Variants in NT5DC1 observed in about 807,000 individuals in gnomAD.
NT5DC1 encodes 5'-nucleotidase domain-containing protein 1.
In NT5DC1, 42 loss-of-function variants were observed where a neutral mutation model predicts 59.4. That is an observed-to-expected ratio of 0.71 (90% CI 0.55 to 0.92). The LOEUF is 0.92. Ranked by LOEUF, NT5DC1 falls within the 40% of genes least tolerant of loss-of-function variation. The pLI, the probability that NT5DC1 is intolerant of heterozygous loss-of-function variation, is 0.00. For missense variants in NT5DC1, 501 were observed against 537.1 expected (o/e 0.93, Z 0.66); for synonymous variants, 172 against 188.1 (o/e 0.91, Z 0.70).
chr6:116,101,104 C>CG lies in NT5DC1; in HGVS notation c.93+83dup, dbSNP rs1778637507. The CG allele has an allele frequency of 2.9e-6, 3 of 1,035,050 alleles. No homozygotes were observed. In the Admixed American group the frequency reaches 7.4e-5, roughly 25 times the overall value. The allele number at this position is 1,035,050 out of a possible 1,614,324, so 64.1% of individuals were successfully genotyped here. ...TTGAGTTTCCTCCAGGTTTGGGCAACGGCGGACGCTGCCCGGGGCCTGCGG... is the reference window on the plus strand; with the variant it reads ...TTGAGTTTCCTCCAGGTTTGGGCAACGGGCGGACGCTGCCCGGGGCCTGCGG... On this transcript the variant is annotated intron_variant, in intron 1 of 11. Coordinates refer to ENST00000319550, the MANE Select transcript of NT5DC1 (RefSeq NM_152729.3).
In NT5DC1 at chr6:116,221,205, A is replaced by G; in HGVS notation, c.681A>G (p.Arg227=). ...LITSSHSDYC[R]LLCEYILGND... ...CCAGTTCTCACAGTGATTACTGTAG[A>G]CTTCTCTGCGAATATATTCTTGGGT... The change falls in exon 7 of 12, where the codon AGA becomes AGG. Residue 227 remains arginine (R), a synonymous_variant. Coordinates refer to ENST00000319550, the MANE Select transcript of NT5DC1 (RefSeq NM_152729.3). 6.3e-7 allele frequency: 1 copy of G among 1,596,920 alleles called. No homozygotes were observed. The highest frequency in any genetic ancestry group is 8.6e-7 in the Non-Finnish European group (1 of 1,165,986).
chr6:116,111,324 A>G (rs1021076194), intron 4 of NT5DC1, among the ~76,000 whole-genome samples: 3 of 152,080 alleles, frequency 2.0e-5, no homozygotes, highest in East Asian at 1.9e-4. Flanking sequence ...CACATTACCT[A>G]CCACTCCTAT....
chr6:116,197,754 G>C (rs1398060225), intron 6 of NT5DC1, among the ~76,000 whole-genome samples: 1 of 152,102 alleles, frequency 6.6e-6, no homozygotes, highest in Non-Finnish European at 1.5e-5. Context: ...GATTCAGTGA[G>C]ATAATGTATA....
At chr6:116,117,655 G>A (rs2114265969) in intron 5 of NT5DC1, among the ~76,000 whole-genome samples, 1 of 152,188 alleles carries the variant, frequency 6.6e-6, no homozygotes, top group East Asian at 1.9e-4. Context: ...ATACTGTACT[G>A]AAAGTGAAAA....
intron 6 of NT5DC1, among the ~76,000 whole-genome samples, chr6:116,135,985 G>A (rs919412119): frequency 2.0e-5 from 3 of 151,470 alleles, no homozygotes; most frequent in Non-Finnish European, 4.4e-5. Context: ...TTAAGTATAT[G>A]ATACAGTATC....
At position 116,100,978 on chromosome 6, in the gene NT5DC1, C is replaced by G; in HGVS notation, c.48C>G (p.Asp16Glu). ...CCGCCTGCGACGTGGTCGGATTCGA[C>G]CTGGACCACACTCTGTGTCGCTACA... ...SLAACDVVGF[D>E]LDHTLCRYNL... The change falls in exon 1 of 12, where the codon GAC (aspartate) becomes GAG (glutamate). Residue 16 changes from aspartate to glutamate, a missense_variant. By Grantham distance (45) the Asp-to-Glu change is conservative (BLOSUM62 2). Coordinates refer to ENST00000319550, the MANE Select transcript of NT5DC1 (RefSeq NM_152729.3). 6.2e-7 allele frequency: 1 copy of G among 1,605,672 alleles called. No homozygotes were observed. The highest frequency in any genetic ancestry group is 8.5e-7 in the Non-Finnish European group (1 of 1,177,108).
intron 4 of NT5DC1, among the ~76,000 whole-genome samples, chr6:116,114,312 T>C (rs1778926197): frequency 1.3e-5 from 2 of 152,204 alleles, no homozygotes; most frequent in South Asian, 4.2e-4. Flanking sequence ...GAAAACAATA[T>C]TCAGAGGAAC....
At chr6:116,163,872 A>G (rs1265179478) in intron 6 of NT5DC1, among the ~76,000 whole-genome samples, 1 of 152,162 alleles carries the variant, frequency 6.6e-6, no homozygotes, top group Admixed American at 6.5e-5. Flanking sequence ...ATTCAAGAGC[A>G]AGTTGTTTGG....
chr6:116,239,453 G>A (rs187986515), intron 11 of NT5DC1, among the ~76,000 whole-genome samples: 48 of 152,266 alleles, frequency 3.2e-4, no homozygotes, highest in African/African-American at 1.1e-3. Context: ...TTCCGGAGGC[G>A]GCACCACAGA....
At chr6:116,197,970 A>T (rs186258961) in intron 6 of NT5DC1, among the ~76,000 whole-genome samples, 89 of 152,178 alleles carry the variant, frequency 5.8e-4, no homozygotes, top group Admixed American at 2.1e-3. Context: ...TTTGTCATAG[A>T]GGGCAGTGGC....
intron 6 of NT5DC1, among the ~76,000 whole-genome samples, chr6:116,171,384 A>G (rs1310014818): frequency 6.6e-6 from 1 of 152,208 alleles, no homozygotes; most frequent in Non-Finnish European, 1.5e-5. Flanking sequence ...CTAAAAGGCC[A>G]TTTGTAATCT....
At chr6:116,175,386 A>G (rs1266997440) in intron 6 of NT5DC1, among the ~76,000 whole-genome samples, 2 of 152,172 alleles carry the variant, frequency 1.3e-5, no homozygotes, top group Admixed American at 1.3e-4. Flanking sequence ...TAGTTTGACT[A>G]TGATGTGGTA....
intron 6 of NT5DC1, among the ~76,000 whole-genome samples, chr6:116,187,752 A>G (rs1385065753): frequency 6.6e-6 from 1 of 152,122 alleles, no homozygotes; most frequent in East Asian, 1.9e-4. Context: ...AAATCAGTAA[A>G]GCTATCAGAA....
At chr6:116,188,477 A>T (rs147756334) in intron 6 of NT5DC1, among the ~76,000 whole-genome samples, 2 of 152,042 alleles carry the variant, frequency 1.3e-5, no homozygotes. Context: ...ATGAAGCTTT[A>T]TGAACAACAT....
chr6:116,161,288 A>G (rs1473449885), intron 6 of NT5DC1, among the ~76,000 whole-genome samples: 3 of 151,932 alleles, frequency 2.0e-5, no homozygotes, highest in Non-Finnish European at 4.4e-5. Context: ...ACATGTATAC[A>G]TATGTAACTA....
At chr6:116,205,900 A>C (rs1211831901) in intron 6 of NT5DC1, among the ~76,000 whole-genome samples, 2 of 151,908 alleles carry the variant, frequency 1.3e-5, no homozygotes, top group Non-Finnish European at 2.9e-5. Flanking sequence ...CAGCCTCTCT[A>C]GGCCTCATTT....
At position 116,106,271 on chromosome 6, in the gene NT5DC1, C is replaced by T. The variant is rs202041758; in HGVS notation, c.121C>T (p.Leu41=). ...CATTTATAATAGCTTTGCCCAGTTC[C>T]TAGTTAAGGAGAAAGGGTACGATAA... ...PLIYNSFAQF[L]VKEKGYDKEL... is the part of the protein sequence containing the mutation. Residue 41 remains leucine, a synonymous_variant, in exon 2 of 12, where the codon CTA becomes TTA. Transcript: ENST00000319550. The T allele has an allele frequency of 6.3e-7, 1 of 1,582,582 alleles. No homozygotes were observed. The highest frequency in any genetic ancestry group is 8.7e-7 in the Non-Finnish European group (1 of 1,152,390).
chr6:116,103,431 G>A (rs1778703164), intron 1 of NT5DC1, among the ~76,000 whole-genome samples: 1 of 152,082 alleles, frequency 6.6e-6, no homozygotes, highest in South Asian at 2.1e-4. Flanking sequence ...TCCGGCTGTG[G>A]ATTTCTGCTT....
At chr6:116,105,629 T>G (rs1370080024) in intron 1 of NT5DC1, among the ~76,000 whole-genome samples, 1 of 152,240 alleles carries the variant, frequency 6.6e-6, no homozygotes, top group Non-Finnish European at 1.5e-5. Flanking sequence ...CATTTTTTGT[T>G]GTTGAGAAAT....
Sources: gnomAD v4.1 joint callset for allele counts (sites outside exome capture counted in the v4.1 genomes callset) on GRCh38, gnomAD v4.1.1 for gene constraint, MANE v1.5 for transcripts, NCBI Gene and HGNC (gene_info 2026-07-23, HGNC 2026-07-21) for gene names.